The following FAM163B variants were observed in gnomAD, a reference collection of about 807,000 sequenced individuals.
FAM163B encodes the protein protein FAM163B.
FAM163B carries 4 observed loss-of-function variants against 7.6 expected under a neutral mutation model. The ratio of observed to expected loss-of-function variants is 0.52; its 90% CI spans 0.26 to 1.20. The LOEUF (loss-of-function observed/expected upper bound fraction) is 1.20. FAM163B is among the 50% of genes most tolerant of loss of function. The pLI, the probability that FAM163B is intolerant of heterozygous loss-of-function variation, is 0.14. For synonymous variants in FAM163B, 120 were observed against 111.6 expected (o/e 1.07, Z -0.47); for missense variants, 250 against 243.0 (o/e 1.03, Z -0.19).
intron 1 of FAM163B, among the ~76,000 whole-genome samples, chr9:133,604,676 C>G (rs972062306): frequency 6.6e-6 from 1 of 152,144 alleles, no homozygotes; most frequent in Non-Finnish European, 1.5e-5. Context: ...GTCTCAAACT[C>G]CACGGAACAC....
At chr9:133,598,797 G>A (rs1831668773) in intron 1 of FAM163B, among the ~76,000 whole-genome samples, 1 of 152,138 alleles carries the variant, frequency 6.6e-6, no homozygotes, top group African/African-American at 2.4e-5. Flanking sequence ...TGGAGCACTG[G>A]GGACAGGGAC....
chr9:133,578,575 T>A lies in FAM163B; in HGVS notation c.*447A>T. 1 of 166,562 alleles carries A rather than the reference T, an allele frequency of 6.0e-6. No homozygotes were observed. The highest frequency in any genetic ancestry group is 2.4e-5 in the African/African-American group (1 of 42,050). The allele number at this position is 166,562 out of a possible 1,614,324, so 10.3% of individuals were successfully genotyped here. On this transcript the variant is annotated 3_prime_UTR_variant, in exon 3 of 3. Coordinates refer to ENST00000673969, the MANE Select transcript of FAM163B (RefSeq NM_001080515.3). ...AGGAGCAGAATCCTTGGTCTGCAAT[T>A]GCCAGGGAGGGCCTTGCTGCAGGGC...
chr9:133,588,924 G>A (rs1407980415), intron 1 of FAM163B, among the ~76,000 whole-genome samples: 1 of 151,926 alleles, frequency 6.6e-6, no homozygotes, highest in African/African-American at 2.4e-5. Context: ...AGAAACCCCT[G>A]CTCTCCTGTT....
intron 2 of FAM163B, 36 bp downstream of exon 2, chr9:133,580,095 C>T (rs1831333387): frequency 6.3e-7 from 1 of 1,585,918 alleles, no homozygotes; most frequent in East Asian, 2.2e-5. Context: ...CTCTGGGCCT[C>T]CCTGCCCTGT....
intron 1 of FAM163B, among the ~76,000 whole-genome samples, chr9:133,603,237 A>C (rs529147890): frequency 4.3e-4 from 66 of 152,276 alleles, no homozygotes; most frequent in Non-Finnish European, 6.0e-4. Context: ...CAGAGAAACC[A>C]CTGATGCACC....
chr9:133,579,995 G>A, intron 2 of FAM163B, 136 bp downstream of exon 2: 1 of 701,722 alleles, frequency 1.4e-6, no homozygotes, highest in Admixed American at 2.3e-5. Flanking sequence ...CTTCTGCTGT[G>A]TGTCTTCTCT....
rs1398330933 is a variant in FAM163B, at chr9:133,580,226, G to A, written c.-3C>T. 17 of 1,612,590 alleles carry A rather than the reference G, an allele frequency of 1.1e-5. No homozygotes were observed. The highest frequency in any genetic ancestry group is 1.7e-5 in the Admixed American group (1 of 59,988). On this transcript the variant is annotated 5_prime_UTR_variant, in exon 2 of 3. Coordinates refer to ENST00000673969, the MANE Select transcript of FAM163B (RefSeq NM_001080515.3). Reference sequence around the variant, plus strand: ...ATGACCACGGTCCCGGCTGTCATCCGCCCCCTTCTCCATCAACAGCCTGCA... The same window carrying A: ...ATGACCACGGTCCCGGCTGTCATCCACCCCCTTCTCCATCAACAGCCTGCA...
intron 1 of FAM163B, among the ~76,000 whole-genome samples, chr9:133,590,082 CCCCTT>C (rs1221072254): frequency 0.043 from 2,021 of 46,492 alleles, 445 homozygotes; most frequent in Non-Finnish European, 0.06. Context: ...CCTTCCCCTT[CCCCTT>C]CCCTTCCCCT....
At chr9:133,592,285 C>CTCTAGATCTAGCATCCTG (rs1564194507) in intron 1 of FAM163B, among the ~76,000 whole-genome samples, 5 of 152,182 alleles carry the variant, frequency 3.3e-5, no homozygotes, top group African/African-American at 1.2e-4. Flanking sequence ...TTCTTGTCTA[C>CTCTAGATCTAGCATCCTG]AGGAATCACG....
At chr9:133,607,002 G>C (rs772640618) in intron 1 of FAM163B, among the ~76,000 whole-genome samples, 8 of 152,180 alleles carry the variant, frequency 5.3e-5, no homozygotes, top group Admixed American at 1.3e-4. Context: ...ATACAAAACG[G>C]GGGTGATCAT....
At chr9:133,591,631 CAG>C (rs905832851) in intron 1 of FAM163B, among the ~76,000 whole-genome samples, 13 of 152,212 alleles carry the variant, frequency 8.5e-5, no homozygotes, top group African/African-American at 2.9e-4. Context: ...GCTTCGGACT[CAG>C]GGGGGCGGAG....
At chr9:133,584,220 GCCCT>G (rs1831399062) in intron 1 of FAM163B, among the ~76,000 whole-genome samples, 1 of 152,114 alleles carries the variant, frequency 6.6e-6, no homozygotes, top group Admixed American at 6.5e-5. Flanking sequence ...ACCACCTGCT[GCCCT>G]CCCTGAGTGC....
At chr9:133,583,620 C>T (rs1345762065) in intron 1 of FAM163B, among the ~76,000 whole-genome samples, 2 of 152,182 alleles carry the variant, frequency 1.3e-5, no homozygotes, top group Admixed American at 6.5e-5. Flanking sequence ...TGGCCCCGCT[C>T]GCCGCAAAGC....
chr9:133,604,680 G>A (rs1429562861), intron 1 of FAM163B, among the ~76,000 whole-genome samples: 1 of 152,080 alleles, frequency 6.6e-6, no homozygotes. Flanking sequence ...CAAACTCCAC[G>A]GAACACAGGA....
chr9:133,581,551 T>G (rs994022421), intron 1 of FAM163B, among the ~76,000 whole-genome samples: 13 of 152,202 alleles, frequency 8.5e-5, no homozygotes, highest in Non-Finnish European at 1.5e-4. Flanking sequence ...AATGCCTTTT[T>G]TACGGTTGGT....
chr9:133,581,717 ATGGCAT>A (rs1233667076), intron 1 of FAM163B, among the ~76,000 whole-genome samples: 3 of 152,324 alleles, frequency 2.0e-5, no homozygotes, highest in Admixed American at 2.0e-4. Flanking sequence ...GATTCCTCGC[ATGGCAT>A]TGAACATGCT....
At chr9:133,593,645 AG>A (rs1241962202) in intron 1 of FAM163B, among the ~76,000 whole-genome samples, 3 of 152,238 alleles carry the variant, frequency 2.0e-5, no homozygotes, top group Admixed American at 6.5e-5. Context: ...TCTCTGAAAC[AG>A]GAGAATTATG....
rs771135379 is a variant in FAM163B, at chr9:133,579,341, T to C, written c.182A>G (p.Asn61Ser). Residue 61 changes from asparagine to serine, a missense_variant, in exon 3 of 3, where the codon AAC (asparagine) becomes AGC (serine). Asn to Ser is a conservative substitution (Grantham distance 46). Transcript: ENST00000673969. Reference sequence around the variant, plus strand: ...CCCGTTGGTCAGCACCAGGTTGCGGTTGGAGTGCAGCGGGGGCAGGTGCGA... The same window carrying C: ...CCCGTTGGTCAGCACCAGGTTGCGGCTGGAGTGCAGCGGGGGCAGGTGCGA... ...VHSHLPPLHS[N>S]RNLVLTNGPA... 2.0e-5 allele frequency: 33 copies of C among 1,613,476 alleles called. No homozygotes were observed. Among genetic ancestry groups the C allele is most frequent in the South Asian group, 2.0e-4 (18 of 90,994 alleles).
intron 1 of FAM163B, among the ~76,000 whole-genome samples, chr9:133,590,339 C>T (rs1481834788): frequency 6.7e-6 from 1 of 150,332 alleles, no homozygotes; most frequent in African/African-American, 2.4e-5. Context: ...GCCTGGAAGG[C>T]GGACGGGAGG....
Sources: allele counts gnomAD v4.1 joint callset (sites outside exome capture counted in the v4.1 genomes callset), GRCh38; gene constraint gnomAD v4.1.1; transcripts MANE v1.5; gene names NCBI Gene and HGNC (gene_info 2026-07-23, HGNC 2026-07-21).